The following PRSS23 variants were observed in gnomAD, a reference collection of about 807,000 sequenced individuals.
PRSS23 encodes the protein protease, serine 23.
A neutral mutation model predicts 34.7 loss-of-function variants in PRSS23; 25 were observed. The observed-to-expected ratio is 0.72, with a 90% CI of 0.53 to 1.01. PRSS23 has a LOEUF of 1.01. PRSS23 is among the 50% of genes least tolerant of loss of function. The probability of loss-of-function intolerance (pLI) is 0.00; values close to 1 mark genes in which losing one functional copy is unlikely to be tolerated. For missense variants in PRSS23, 445 were observed against 475.6 expected (o/e 0.94, Z 0.60); for synonymous variants, 176 against 186.6 (o/e 0.94, Z 0.46).
At chr11:86,940,351 C>G (rs1027110917) in intron 2 of PRSS23, among the ~76,000 whole-genome samples, 1 of 152,220 alleles carries the variant, frequency 6.6e-6, no homozygotes, top group South Asian at 2.1e-4. Context: ...CTCTGAAACA[C>G]TGGCATTTTA....
At chr11:86,862,327 T>G (rs1948621901) in intron 2 of PRSS23, among the ~76,000 whole-genome samples, 1 of 151,882 alleles carries the variant, frequency 6.6e-6, no homozygotes, top group African/African-American at 2.4e-5. Flanking sequence ...ATTTGTATCA[T>G]TTTTAGGGGG....
At chr11:86,796,188 C>T (rs1415076371), upstream of PRSS23, among the ~76,000 whole-genome samples, 1 of 152,178 alleles carries the variant, frequency 6.6e-6, no homozygotes, top group Non-Finnish European at 1.5e-5. Flanking sequence ...AGCAATATAA[C>T]ACAATGGAAT....
At chr11:86,903,434 C>A (rs1424340512) in intron 2 of PRSS23, among the ~76,000 whole-genome samples, 2 of 152,008 alleles carry the variant, frequency 1.3e-5, no homozygotes, top group Admixed American at 1.3e-4. Flanking sequence ...TATACAGTAC[C>A]ACAACACCAA....
At chr11:86,800,785 A>G (rs543512117) in intron 1 of PRSS23, 134 bp downstream of exon 1, 66 of 372,400 alleles carry the variant, frequency 1.8e-4, no homozygotes, top group African/African-American at 1.4e-3. Context: ...GGACTTCGCC[A>G]GGGCAGTCCT....
At chr11:86,906,694 G>A (rs72961422) in intron 2 of PRSS23, among the ~76,000 whole-genome samples, 1,886 of 152,280 alleles carry the variant, frequency 0.012, 15 homozygotes, top group Middle Eastern at 0.037. Flanking sequence ...GTGGCACAAT[G>A]AGGCCCAAAC....
intron 2 of PRSS23, among the ~76,000 whole-genome samples, chr11:86,866,366 A>G (rs918201818): frequency 6.6e-6 from 1 of 152,204 alleles, no homozygotes; most frequent in Non-Finnish European, 1.5e-5. Context: ...ATGGTAGGGT[A>G]CAGGAGTGAA....
intron 2 of PRSS23, among the ~76,000 whole-genome samples, chr11:86,856,682 T>C (rs553417552): frequency 6.6e-6 from 1 of 152,276 alleles, no homozygotes; most frequent in African/African-American, 2.4e-5. Flanking sequence ...AGACAAACCA[T>C]TGGTGTTGGA....
rs569322054 is a variant in PRSS23, at chr11:86,848,202, A to T, written c.206+24609A>T. On this transcript the variant is annotated intron_variant, in intron 2 of 2. Coordinates refer to the PRSS23 transcript ENST00000533902. ...CATATACATGTCCTGCAAGGATTAG[A>T]GCAGTCCTTTGATCTAACATGGAGA... 4.6e-5 allele frequency among the ~76,000 whole-genome samples: 7 copies of T among 152,242 alleles called. No homozygotes were observed. In the East Asian group the frequency reaches 1.2e-3, roughly 25 times the overall value.
chr11:86,822,027 A>G (rs1177023621), intron 1 of PRSS23, among the ~76,000 whole-genome samples: 3 of 152,200 alleles, frequency 2.0e-5, no homozygotes, highest in African/African-American at 7.2e-5. Context: ...ATAAAATGGG[A>G]CTAGTAATTT....
intron 2 of PRSS23, among the ~76,000 whole-genome samples, chr11:86,831,996 C>T (rs1468372641): frequency 3.3e-5 from 5 of 151,478 alleles, no homozygotes; most frequent in East Asian, 2.0e-4. Context: ...TCCTAATGTT[C>T]GAGATGGTGT....
intron 2 of PRSS23, among the ~76,000 whole-genome samples, chr11:86,897,513 C>G (rs998153360): frequency 6.6e-6 from 1 of 152,244 alleles, no homozygotes; most frequent in African/African-American, 2.4e-5. Context: ...TGCTCTGTCA[C>G]TCAGGTTGGA....
At chr11:86,921,782 G>C (rs1267010541) in intron 2 of PRSS23, 1 of 152,220 alleles carries the variant, frequency 6.6e-6, no homozygotes, top group African/African-American at 2.4e-5. Flanking sequence ...TTACAGCTTA[G>C]TGGATATTCA....
In PRSS23 at chr11:86,942,573, G is replaced by A. The variant is rs1590938464; in HGVS notation, c.207-8643G>A. Among the ~76,000 whole-genome samples the A allele has an allele frequency of 2.0e-5, 3 of 152,346 alleles. No individual in the cohort carries two copies. The East Asian group carries it at 5.8e-4, about 29-fold the overall frequency. Reference sequence around the variant, plus strand: ...GAATTGGGTGCTTATAGGAAACCAGGTGGAAAGCTGATGAAAATCAGGCAG... The same window carrying A: ...GAATTGGGTGCTTATAGGAAACCAGATGGAAAGCTGATGAAAATCAGGCAG... On this transcript the variant is annotated intron_variant, in intron 2 of 2. Transcript: ENST00000533902.
At chr11:86,951,855 C>G (rs762880247) in exon 3 of PRSS23, 1 of 1,613,658 alleles carries the variant, frequency 6.2e-7, no homozygotes, top group Non-Finnish European at 8.5e-7. Flanking sequence ...ATTGCACATC[C>G]TGTGTTCTTA....
intron 2 of PRSS23, among the ~76,000 whole-genome samples, chr11:86,844,520 G>A (rs1948472158): frequency 6.6e-6 from 1 of 152,126 alleles, no homozygotes; most frequent in African/African-American, 2.4e-5. Flanking sequence ...GAACATTTTG[G>A]TTTACTTTTT....
chr11:86,849,413 T>A (rs1790719258), intron 2 of PRSS23, among the ~76,000 whole-genome samples: 1 of 152,198 alleles, frequency 6.6e-6, no homozygotes, highest in Non-Finnish European at 1.5e-5. Context: ...ATTACCCATT[T>A]GTTGTCCCCT....
intron 2 of PRSS23, chr11:86,909,593 T>C (rs951551502): frequency 6.6e-6 from 1 of 152,248 alleles, no homozygotes; most frequent in Middle Eastern, 3.1e-3. Flanking sequence ...AACCCGGATA[T>C]GGGAATTCAG....
chr11:86,796,953 C>T (rs926652417), upstream of PRSS23, among the ~76,000 whole-genome samples: 1 of 152,244 alleles, frequency 6.6e-6, no homozygotes. Context: ...TAGCTCATGT[C>T]TGTATCCTGA....
At chr11:86,926,085 G>A (rs1032682031) in intron 2 of PRSS23, among the ~76,000 whole-genome samples, 8 of 152,146 alleles carry the variant, frequency 5.3e-5, no homozygotes, top group Non-Finnish European at 4.4e-5. Context: ...ACCCAAGGCC[G>A]GATGCAGTGG....
Sources: allele counts gnomAD v4.1 joint callset (sites outside exome capture counted in the v4.1 genomes callset), GRCh38; gene constraint gnomAD v4.1.1; transcripts MANE v1.5; gene names NCBI Gene and HGNC (gene_info 2026-07-23, HGNC 2026-07-21).